Variants in LRP1B observed in about 807,000 individuals in gnomAD.
LRP1B encodes LDL receptor related protein 1B.
A neutral mutation model predicts 556.6 loss-of-function variants in LRP1B; 217 were observed. That is an observed-to-expected ratio of 0.39 (90% CI 0.35 to 0.44). LRP1B has a LOEUF of 0.44. Among genes scored for constraint, LRP1B ranks in the 20% least tolerant of loss-of-function variants. The pLI, the probability that LRP1B is intolerant of heterozygous loss-of-function variation, is 1.00. For synonymous variants in LRP1B, 2,047 were observed against 1,865.8 expected (o/e 1.10, Z -2.50); for missense variants, 5,053 against 5,620.8 (o/e 0.90, Z 3.23).
chr2:142,099,443 G>T (rs1706495900), intron 1 of LRP1B, among the ~76,000 whole-genome samples: 1 of 151,764 alleles, frequency 6.6e-6, no homozygotes, highest in South Asian at 2.1e-4. Context: ...TGAGTTGGAG[G>T]ATAAAATATT....
chr2:141,766,864 A>C (rs963224086), intron 2 of LRP1B, among the ~76,000 whole-genome samples: 2 of 152,158 alleles, frequency 1.3e-5, no homozygotes, highest in Non-Finnish European at 2.9e-5. Context: ...AGCCTTGTAC[A>C]TATGCTATGT....
intron 71 of LRP1B, among the ~76,000 whole-genome samples, chr2:140,369,686 C>A (rs951518549): frequency 6.6e-6 from 1 of 151,330 alleles, no homozygotes; most frequent in African/African-American, 2.4e-5. Context: ...CTATTTTTTT[C>A]TGCATAATAC....
At chr2:140,737,384 CATT>C (rs943635849) in intron 35 of LRP1B, among the ~76,000 whole-genome samples, 2 of 152,156 alleles carry the variant, frequency 1.3e-5, no homozygotes, top group Non-Finnish European at 2.9e-5. Flanking sequence ...AAAGCATCAT[CATT>C]GACCCCTATA....
intron 3 of LRP1B, among the ~76,000 whole-genome samples, chr2:141,329,645 A>AAAAAAAAAAAAAAC (rs1687563255): frequency 2.6e-5 from 1 of 38,478 alleles, no homozygotes; most frequent in Non-Finnish European, 6.0e-5. Context: ...CTCTGTCTCA[A>AAAAAAAAAAAAAAC]AAAAAAAAAA....
At chr2:140,936,366 AGG>A (rs369107860) in intron 20 of LRP1B, among the ~76,000 whole-genome samples, 9 of 99,370 alleles carry the variant, frequency 9.1e-5, no homozygotes, top group East Asian at 3.4e-4. Flanking sequence ...AAAAAAAGAA[AGG>A]AAAAAAGAAA....
intron 3 of LRP1B, among the ~76,000 whole-genome samples, chr2:141,470,225 C>T (rs1263962822): frequency 1.3e-5 from 2 of 152,124 alleles, no homozygotes; most frequent in Non-Finnish European, 2.9e-5. Flanking sequence ...TTTTTAACTT[C>T]TTATTGTTAC....
chr2:142,011,326 A>G (rs1574591228), intron 1 of LRP1B, among the ~76,000 whole-genome samples: 3 of 152,304 alleles, frequency 2.0e-5, no homozygotes, highest in Non-Finnish European at 1.5e-5. Context: ...GTCACTTGAT[A>G]ATATACATGA....
chr2:141,215,416 C>T (rs541056769), intron 6 of LRP1B, among the ~76,000 whole-genome samples: 1 of 152,240 alleles, frequency 6.6e-6, no homozygotes, highest in Admixed American at 6.5e-5. Flanking sequence ...GGAGTGGGGT[C>T]TTGCTATAAA....
chr2:140,778,760 G>T (rs1573706136), intron 32 of LRP1B, among the ~76,000 whole-genome samples: 1 of 152,100 alleles, frequency 6.6e-6, no homozygotes, highest in South Asian at 2.1e-4. Context: ...ATCTGAAAAA[G>T]CTTTTAAAAT....
intron 2 of LRP1B, among the ~76,000 whole-genome samples, chr2:141,536,367 GT>G (rs895342142): frequency 1.3e-5 from 2 of 151,934 alleles, no homozygotes; most frequent in African/African-American, 2.4e-5. Context: ...TTAACTTGTT[GT>G]TATTAAATTG....
intron 35 of LRP1B, among the ~76,000 whole-genome samples, chr2:140,738,073 CCTT>C (rs1195134163): frequency 3.3e-5 from 5 of 152,074 alleles, no homozygotes; most frequent in Non-Finnish European, 4.4e-5. Context: ...AGTTGGAGCT[CCTT>C]CTTACCAAAG....
intron 2 of LRP1B, among the ~76,000 whole-genome samples, chr2:141,509,710 T>C (rs932673477): frequency 6.6e-6 from 1 of 152,134 alleles, no homozygotes; most frequent in African/African-American, 2.4e-5. Flanking sequence ...AACAGGGCTA[T>C]AAAATAACAA....
intron 3 of LRP1B, among the ~76,000 whole-genome samples, chr2:141,433,465 G>C (rs572576253): frequency 1.3e-5 from 2 of 152,130 alleles, no homozygotes; most frequent in East Asian, 3.9e-4. Flanking sequence ...TAGTTGTTCT[G>C]TCATTCTTGA....
chr2:140,349,394 A>G (rs1681855516), intron 77 of LRP1B, among the ~76,000 whole-genome samples: 1 of 151,574 alleles, frequency 6.6e-6, no homozygotes, highest in Non-Finnish European at 1.5e-5. Context: ...TAATGTCATT[A>G]CCATCATCAA....
intron 66 of LRP1B, among the ~76,000 whole-genome samples, chr2:140,414,888 T>C (rs1685118007): frequency 6.6e-6 from 1 of 152,174 alleles, no homozygotes; most frequent in Non-Finnish European, 1.5e-5. Flanking sequence ...AAAAGAGCCA[T>C]ATTTTTCTTC....
At chr2:141,111,880 C>T (rs1320421619) in intron 7 of LRP1B, among the ~76,000 whole-genome samples, 1 of 151,612 alleles carries the variant, frequency 6.6e-6, no homozygotes, top group Non-Finnish European at 1.5e-5. Context: ...CCCGTCTCTA[C>T]CAAAAATATA....
intron 86 of LRP1B, among the ~76,000 whole-genome samples, chr2:140,264,597 C>T (rs1223499114): frequency 6.6e-6 from 1 of 151,994 alleles, no homozygotes; most frequent in African/African-American, 2.4e-5. Context: ...TCTCCAAATA[C>T]AGTCCCATTC....
intron 1 of LRP1B, among the ~76,000 whole-genome samples, chr2:141,897,425 A>G (rs1699485542): frequency 2.0e-5 from 3 of 152,214 alleles, no homozygotes; most frequent in Admixed American, 2.0e-4. Flanking sequence ...GTACCAGGTC[A>G]GCAATATCTA....
At chr2:141,636,942 C>T (rs1287987679) in intron 2 of LRP1B, among the ~76,000 whole-genome samples, 1 of 151,950 alleles carries the variant, frequency 6.6e-6, no homozygotes, top group Non-Finnish European at 1.5e-5. Context: ...AAAATATATT[C>T]CAAACTATTG....
Sources: gnomAD v4.1 joint callset for allele counts (sites outside exome capture counted in the v4.1 genomes callset) on GRCh38, gnomAD v4.1.1 for gene constraint, MANE v1.5 for transcripts, NCBI Gene and HGNC (gene_info 2026-07-23, HGNC 2026-07-21) for gene names.